The following GGCX variants were observed in gnomAD, a reference collection of about 807,000 sequenced individuals.
GGCX encodes the protein gamma-glutamyl carboxylase, also known as vitamin K-dependent gamma-carboxylase.
GGCX carries 63 observed loss-of-function variants against 88.5 expected under a neutral mutation model. The observed-to-expected ratio is 0.71, with a 90% CI of 0.58 to 0.88. The LOEUF is 0.88. Ranked by LOEUF, GGCX falls within the 40% of genes least tolerant of loss-of-function variation. The pLI is 0.00. For missense variants in GGCX, 805 were observed against 932.9 expected, an observed-to-expected ratio of 0.86 and a Z score of 1.79; for synonymous variants, 368 against 365.8, an observed-to-expected ratio of 1.01 and a Z score of -0.07.
At chr2:85,552,663 C>T in intron 9 of GGCX, 96 bp from the exon 10 acceptor site, 1 of 1,248,752 alleles carries the variant, frequency 8.0e-7, no homozygotes, top group Non-Finnish European at 1.2e-6. Context: ...CTGCCTGCTG[C>T]CCATTCTGGC....
At chr2:85,550,800 C>T (rs2103953881) in intron 13 of GGCX, 50 bp from the exon 14 acceptor site, 2 of 1,586,452 alleles carry the variant, frequency 1.3e-6, no homozygotes, top group East Asian at 2.2e-5. Flanking sequence ...ATCACTCTCT[C>T]CCCTTAGAAC....
chr2:85,553,147 A>G (rs1692042414), intron 8 of GGCX, 77 bp from the exon 9 acceptor site: 1 of 1,607,964 alleles, frequency 6.2e-7, no homozygotes, highest in Non-Finnish European at 8.5e-7. Context: ...AGGGGCTGCA[A>G]AACCAGCCCC....
At position 85,561,455 on chromosome 2, in the gene GGCX, A is replaced by ACAG. The variant is rs1460873775; in HGVS notation, c.-30_-28dup. The ACAG allele has an allele frequency of 7.8e-6, 12 of 1,542,736 alleles. No individual in the cohort carries two copies. Among genetic ancestry groups the ACAG allele is most frequent in the Middle Eastern group, 1.8e-4 (1 of 5,626 alleles). ...GCTCTGCGGAGGAGGCAGGTGGGTC[A>ACAG]CAGCTGCCGCGTCTGAACGGAGGCC... On this transcript the variant is annotated 5_prime_UTR_variant, in exon 1 of 15. Coordinates refer to ENST00000233838, the MANE Select transcript of GGCX (RefSeq NM_000821.7).
rs1183156702 is a variant in GGCX, at chr2:85,550,693, C to T, written c.1946G>A (p.Gly649Asp). ...QPLLEGEVKG[G>D]PEPTPLVQTF... ...CTGAACCAGAGGTGTTGGCTCAGGG[C>T]CCCCTTTTACTTCCCCTTCCAACAG... Residue 649 changes from glycine to aspartate, a missense_variant, in exon 14 of 15, where the codon GGC (glycine) becomes GAC (aspartate). This residue lies in a region of GGCX where 680 missense variants were observed against 763.7 expected (regional missense o/e 0.89). Transcript: ENST00000233838. 1 of 1,614,038 alleles carries T rather than the reference C, an allele frequency of 6.2e-7. No homozygotes were observed. The highest frequency in any genetic ancestry group is 1.3e-5 in the African/African-American group (1 of 75,046).
In GGCX at chr2:85,553,353, T is replaced by A; in HGVS notation, c.1034A>T (p.Tyr345Phe). The change falls in exon 8 of 15, where the codon TAT (tyrosine) becomes TTT (phenylalanine). Residue 345 changes from tyrosine (Y) to phenylalanine (F), a missense_variant. Around this residue, in one of 3 missense-constraint regions of GGCX, gnomAD observed 680 missense variants for 763.7 expected, o/e 0.89. Coordinates refer to ENST00000233838, the MANE Select transcript of GGCX (RefSeq NM_000821.7). ...AAPQPSVSCV[Y>F]KRSRGKSGQK... is the part of the protein sequence containing the mutation. ...GCCACTTTTGCCCCGGCTCCTCTTA[T>A]ACACACAGGAAACACTGGGCTGAGG... 8 of 1,614,184 alleles carry A rather than the reference T, an allele frequency of 5.0e-6. No individual in the cohort carries two copies. The highest frequency in any genetic ancestry group is 3.3e-5 in the South Asian group (3 of 91,084).
rs374754358 is a variant in GGCX, at chr2:85,553,397, C to G, written c.990G>C (p.Leu330=). The G allele has an allele frequency of 1.1e-4, 181 of 1,614,068 alleles. No individual in the cohort carries two copies. The highest frequency in any genetic ancestry group is 1.4e-4 in the Non-Finnish European group (161 of 1,180,026). ...VSYCPRRLQQ[L]LPLKAAPQPS... is the part of the protein sequence containing the mutation. ...GCTGAGGGGCTGCCTTGAGGGGCAA[C>G]AGTTGTTGCAACCTTCGGGGGCAGT... Residue 330 remains leucine, a synonymous_variant, in exon 8 of 15, where the codon CTG becomes CTC. Transcript: ENST00000233838.
chr2:85,560,658 A>G (rs1573333375), intron 2 of GGCX, among the ~76,000 whole-genome samples, 157 bp downstream of exon 2: 1 of 152,140 alleles, frequency 6.6e-6, no homozygotes, highest in East Asian at 1.9e-4. Context: ...TGTAGGAGAC[A>G]AAGCAGGTTT....
rs1218449160 is a variant in GGCX at position 85,550,708 on chromosome 2, C to G, written c.1931G>C (p.Gly644Ala). 1 of 1,614,130 alleles carries G rather than the reference C, an allele frequency of 6.2e-7. No homozygotes were observed. The highest frequency in any genetic ancestry group is 2.2e-5 in the East Asian group (1 of 44,888). The change falls in exon 14 of 15, where the codon GGG (glycine) becomes GCG (alanine). Residue 644 changes from glycine to alanine, a missense_variant. Physicochemically the swap from Gly to Ala is moderately conservative, Grantham distance 60. Transcript: ENST00000233838. The stretch of plus-strand genomic sequence containing the variant: ...TGGCTCAGGGCCCCCTTTTACTTCC[C>G]CTTCCAACAGAGGCTGCAGCTCTGG... ...LPPELQPLLE[G>A]EVKGGPEPTP...
chr2:85,558,810 T>C, intron 3 of GGCX, 107 bp downstream of exon 3: 1 of 1,052,794 alleles, frequency 9.5e-7, no homozygotes, highest in Non-Finnish European at 1.5e-6. Context: ...ATGAAATTGA[T>C]CACAGCAGAA....
chr2:85,549,814 A>G lies in GGCX; in HGVS notation c.*120T>C. On this transcript the variant is annotated 3_prime_UTR_variant, in exon 15 of 15. Coordinates refer to ENST00000233838, the MANE Select transcript of GGCX (RefSeq NM_000821.7). Reference sequence around the variant, plus strand: ...TCTCGGAGTTAAAAACAGCTTTAGAACCCCGCCCCCCCAAAAAAAAAAAAA... The same window carrying G: ...TCTCGGAGTTAAAAACAGCTTTAGAGCCCCGCCCCCCCAAAAAAAAAAAAA... 6.5e-6 allele frequency: 4 copies of G among 613,218 alleles called. No homozygotes were observed. Among genetic ancestry groups the G allele is most frequent in the Non-Finnish European group, 8.6e-6 (3 of 350,018 alleles). 38.0% of individuals were successfully genotyped at this position (613,218 alleles called of 1,614,324 possible).
chr2:85,555,289 A>G (rs966425470), intron 6 of GGCX, 195 bp downstream of exon 6: 7 of 545,828 alleles, frequency 1.3e-5, no homozygotes, highest in East Asian at 3.2e-5. Flanking sequence ...TCTATACCAT[A>G]TATCTCCCAA....
At position 85,550,619 on chromosome 2, in the gene GGCX, T is replaced by A; in HGVS notation, c.2020A>T (p.Asn674Tyr). Residue 674 changes from asparagine (N) to tyrosine (Y), a missense_variant, in exon 14 of 15, where the codon AAT (asparagine) becomes TAT (tyrosine). Asn to Tyr is a moderately radical substitution (Grantham distance 143). Transcript: ENST00000233838. ...QRLQEIERRR[N>Y]TPFHERFFRF... ...AAGAATCGCTCATGGAAAGGAGTATTTCGCCGGCGTTCAATCTCCTGGAGC... is the reference window on the plus strand; with the variant it reads ...AAGAATCGCTCATGGAAAGGAGTATATCGCCGGCGTTCAATCTCCTGGAGC... 1 of 1,614,048 alleles carries A rather than the reference T, an allele frequency of 6.2e-7. No homozygotes were observed. Among genetic ancestry groups the A allele is most frequent in the Non-Finnish European group, 8.5e-7 (1 of 1,179,902 alleles).
In GGCX at chr2:85,551,912, T is replaced by G; in HGVS notation, c.1509A>C (p.Gln503His). ...AGGGAGACAGGTCCATCAAGAGTGGTTGCACCCAGGATGTGCGCTGAAAGG... is the reference window on the plus strand; with the variant it reads ...AGGGAGACAGGTCCATCAAGAGTGGGTGCACCCAGGATGTGCGCTGAAAGG... ...WSPFQRTSWV[Q>H]PLLMDLSPWR... is the part of the protein sequence containing the mutation. Residue 503 changes from glutamine to histidine, a missense_variant, in exon 11 of 15, where the codon CAA (glutamine) becomes CAC (histidine). Coordinates refer to ENST00000233838, the MANE Select transcript of GGCX (RefSeq NM_000821.7). 6.2e-7 allele frequency: 1 copy of G among 1,613,506 alleles called. No homozygotes were observed. Among genetic ancestry groups the G allele is most frequent in the African/African-American group, 1.3e-5 (1 of 75,010 alleles).
rs750318390 is a variant in GGCX, at chr2:85,558,584, C to T, written c.395G>A (p.Gly132Asp). ...CACACAGCTTATCCGGTAGCACAGG[C>T]CCAGCATCATGCCCAGTGCCCCTGG... ...MFLGALGMML[G>D]LCYRISCVLF... Residue 132 changes from glycine to aspartate, a missense_variant, in exon 4 of 15, where the codon GGC (glycine) becomes GAC (aspartate). Gly to Asp is a moderately conservative substitution (Grantham distance 94). This residue lies in a region of GGCX where 61 missense variants were observed against 111.9 expected (regional missense o/e 0.54). Coordinates refer to ENST00000233838, the MANE Select transcript of GGCX (RefSeq NM_000821.7). The T allele has an allele frequency of 6.2e-7, 1 of 1,613,384 alleles. No homozygotes were observed. The highest frequency in any genetic ancestry group is 8.5e-7 in the Non-Finnish European group (1 of 1,179,350).
At position 85,549,885 on chromosome 2, in the gene GGCX, G is replaced by T; in HGVS notation, c.*49C>A. On this transcript the variant is annotated 3_prime_UTR_variant, in exon 15 of 15. Transcript: ENST00000233838. ...CAAATAAATGTCCATTGCATAGAAT[G>T]GGTCTGTGACTGGCTGCTTCTACAT... is the stretch of plus-strand genomic sequence containing the variant. 1 of 1,224,278 alleles carries T rather than the reference G, an allele frequency of 8.2e-7. No homozygotes were observed. Among genetic ancestry groups the T allele is most frequent in the Non-Finnish European group, 1.2e-6 (1 of 831,184 alleles). 75.8% of individuals were successfully genotyped at this position (1,224,278 alleles called of 1,614,324 possible).
rs1691651002 is a variant in GGCX at position 85,546,150 on chromosome 2, C to CTAT, written c.*3783_*3784insATA. 1 of 152,198 alleles carries CTAT rather than the reference C, an allele frequency of 6.6e-6. No individual in the cohort carries two copies. The highest frequency in any genetic ancestry group is 2.4e-5 in the African/African-American group (1 of 41,428). 9.4% of individuals were successfully genotyped at this position (152,198 alleles called of 1,614,324 possible). A position where few individuals can be genotyped will look rare whatever the true frequency, so the allele number is the denominator to read the frequency against. On this transcript the variant is annotated 3_prime_UTR_variant, in exon 15 of 15. Coordinates refer to ENST00000233838, the MANE Select transcript of GGCX (RefSeq NM_000821.7). ...AAATTTGGAGGCCAGGCGGAGTGGC[C>CTAT]TGTAATATAGGCCACTATATAGTAA...
At chr2:85,553,664 A>G in intron 7 of GGCX, 167 bp from the exon 8 acceptor site, 1 of 653,768 alleles carries the variant, frequency 1.5e-6, no homozygotes, top group Non-Finnish European at 2.7e-6. Context: ...CAGTGGCGTG[A>G]TCTCAGCTCA....
At chr2:85,559,625 G>C (rs1692348883) in intron 2 of GGCX, among the ~76,000 whole-genome samples, 1 of 152,084 alleles carries the variant, frequency 6.6e-6, no homozygotes, top group African/African-American at 2.4e-5. Flanking sequence ...TGAAGCAGGA[G>C]AATCACTTGA....
At position 85,555,563 on chromosome 2, in the gene GGCX, C is replaced by T. The variant is rs768501346; in HGVS notation, c.646G>A (p.Val216Met). 1.3e-6 allele frequency: 2 copies of T among 1,595,016 alleles called. No homozygotes were observed. Among genetic ancestry groups the T allele is most frequent in the African/African-American group, 2.7e-5 (2 of 74,544 alleles). The stretch of plus-strand genomic sequence containing the variant: ...ACCCAGTCTGCATCCAGCTTTTTCA[C>T]ACCCGCAATGAAGTACACAATGAAG... Reference protein sequence around the residue: ...QIFIVYFIAGVKKLDADWVEG... With the variant: ...QIFIVYFIAGMKKLDADWVEG... Residue 216 changes from valine (V) to methionine (M), a missense_variant, in exon 6 of 15, where the codon GTG becomes ATG. This residue lies in a region of GGCX where 680 missense variants were observed against 763.7 expected (regional missense o/e 0.89). Coordinates refer to ENST00000233838, the MANE Select transcript of GGCX (RefSeq NM_000821.7).
Sources: allele counts gnomAD v4.1 joint callset (sites outside exome capture counted in the v4.1 genomes callset), GRCh38; gene constraint gnomAD v4.1.1; regional missense constraint gnomAD v4.1.1; transcripts MANE v1.5; gene names NCBI Gene and HGNC (gene_info 2026-07-23, HGNC 2026-07-21).